Variants in HIVEP3 observed in about 807,000 individuals in gnomAD.
HIVEP3 encodes HIVEP zinc finger 3.
HIVEP3 carries 49 observed loss-of-function variants against 152.8 expected under a neutral mutation model. The ratio of observed to expected loss-of-function variants is 0.32; its 90% CI spans 0.26 to 0.41. The LOEUF (loss-of-function observed/expected upper bound fraction) is 0.41. HIVEP3 is among the 10% of genes least tolerant of loss of function. The pLI is 1.00. For synonymous variants in HIVEP3, 1,269 were observed against 1,289.0 expected, an observed-to-expected ratio of 0.98 and a Z score of 0.33; for missense variants, 2,790 against 3,103.3, an observed-to-expected ratio of 0.90 and a Z score of 2.40.
At chr1:41,554,921 G>A (rs1364846963) in intron 5 of HIVEP3, among the ~76,000 whole-genome samples, 1 of 152,158 alleles carries the variant, frequency 6.6e-6, no homozygotes, top group Non-Finnish European at 1.5e-5. Context: ...CTACTGGGAG[G>A]TGTCTCCCAG....
At chr1:41,964,367 A>C (rs1265020535) in intron 1 of HIVEP3, among the ~76,000 whole-genome samples, 1 of 152,148 alleles carries the variant, frequency 6.6e-6, no homozygotes, top group African/African-American at 2.4e-5. Flanking sequence ...GTGCTACCCC[A>C]CCTGGGAAAC....
chr1:41,960,162 G>A (rs1197601758), intron 1 of HIVEP3, among the ~76,000 whole-genome samples: 1 of 152,190 alleles, frequency 6.6e-6, no homozygotes, highest in Non-Finnish European at 1.5e-5. Flanking sequence ...TAGCCACATT[G>A]GTTAGCCAGA....
chr1:41,805,367 C>G (rs1209394848), intron 1 of HIVEP3, among the ~76,000 whole-genome samples: 1 of 152,212 alleles, frequency 6.6e-6, no homozygotes, highest in East Asian at 1.9e-4. Flanking sequence ...AAATCAACTA[C>G]ATGAAACAAT....
intron 1 of HIVEP3, among the ~76,000 whole-genome samples, chr1:41,820,555 G>A (rs141537177): frequency 2.0e-5 from 3 of 152,284 alleles, no homozygotes; most frequent in African/African-American, 7.2e-5. Flanking sequence ...GTTCTCCAAG[G>A]ATAATGTAGT....
chr1:41,818,307 T>C (rs1369005840), intron 1 of HIVEP3, among the ~76,000 whole-genome samples: 1 of 152,094 alleles, frequency 6.6e-6, no homozygotes, highest in Non-Finnish European at 1.5e-5. Context: ...ATAATGCCTG[T>C]GTTGGTGAGC....
chr1:41,646,698 C>A (rs1428710249), intron 2 of HIVEP3, among the ~76,000 whole-genome samples: 3 of 152,214 alleles, frequency 2.0e-5, no homozygotes, highest in African/African-American at 7.2e-5. Flanking sequence ...ACTCCAAGGA[C>A]CTCTTCCCCA....
chr1:41,518,546 C>G (rs1285281739), intron 6 of HIVEP3, 58 bp from the exon 7 acceptor site: 3 of 1,496,100 alleles, frequency 2.0e-6, no homozygotes, highest in African/African-American at 2.7e-5. Context: ...AGGGCGGACC[C>G]AGGGCTCATG....
rs1312450629 is a variant in HIVEP3, at chr1:41,582,284, G to T, written c.2514C>A (p.Arg838=). Residue 838 remains arginine, a synonymous_variant, in exon 4 of 9, where the codon CGC becomes CGA. Transcript: ENST00000372583. This position sits in a 1 kb window ranked among gnomAD's most constrained non-coding sequence, Gnocchi z 4.7. ...FPSPPPAPHG[R]SAHSLQPKLV... ...ACTTAGGCTGCAGGGAGTGAGCAGA[G>T]CGTCCGTGTGGGGCAGGTGGGGGTG... is the stretch of plus-strand genomic sequence containing the variant. The T allele has an allele frequency of 6.2e-7, 1 of 1,614,044 alleles. No homozygotes were observed. Among genetic ancestry groups the T allele is most frequent in the East Asian group, 2.2e-5 (1 of 44,896 alleles).
intron 1 of HIVEP3, among the ~76,000 whole-genome samples, chr1:41,786,460 C>T (rs1649354335): frequency 6.6e-6 from 1 of 152,196 alleles, no homozygotes; most frequent in Admixed American, 6.5e-5. Flanking sequence ...GGTTGGCTGC[C>T]ATTACTCTAG....
At chr1:41,526,621 T>TCCCCCTCACACA (rs2149054504) in intron 5 of HIVEP3, among the ~76,000 whole-genome samples, 2 of 3,996 alleles carry the variant, frequency 5.0e-4, no homozygotes, top group Admixed American at 3.7e-3. Flanking sequence ...ACCCCCACCT[T>TCCCCCTCACACA]CACCCTCACA....
chr1:41,999,225 C>T (rs1220916236), intron 1 of HIVEP3, among the ~76,000 whole-genome samples: 1 of 152,052 alleles, frequency 6.6e-6, no homozygotes, highest in Non-Finnish European at 1.5e-5. Context: ...AAAAGCAACG[C>T]ATGCCCCGTA....
intron 1 of HIVEP3, among the ~76,000 whole-genome samples, chr1:41,894,731 G>T (rs1644501319): frequency 6.6e-6 from 1 of 152,174 alleles, no homozygotes; most frequent in African/African-American, 2.4e-5. Flanking sequence ...TAAGGTTGCT[G>T]CGAATGACAT....
intron 3 of HIVEP3, among the ~76,000 whole-genome samples, chr1:41,608,808 A>G (rs1028446258): frequency 6.6e-6 from 1 of 152,002 alleles, no homozygotes; most frequent in African/African-American, 2.4e-5. Flanking sequence ...ACGGTGGCTC[A>G]CACCTGTAAT....
Position 41,584,773 on chromosome 1 carries a change from C to T in HIVEP3, c.25G>A (p.Gly9Ser), listed in dbSNP as rs1441367633. 9.9e-6 allele frequency: 15 copies of T among 1,516,102 alleles called. No homozygotes were observed. The highest frequency in any genetic ancestry group is 2.7e-5 in the South Asian group (2 of 74,326). The allele number at this position is 1,516,102 out of a possible 1,614,324, so 93.9% of individuals were successfully genotyped here. ...GGACTTCCCTCAGCCTTCTTGGTGCCCTTGACACTTTGTTCAGGATCCATG... is the reference window on the plus strand; with the variant it reads ...GGACTTCCCTCAGCCTTCTTGGTGCTCTTGACACTTTGTTCAGGATCCATG... MDPEQSVK[G>S]TKKAEGSPRK... is the part of the protein sequence containing the mutation. The change falls in exon 4 of 9, where the codon GGC (glycine) becomes AGC (serine). Residue 9 changes from glycine (G) to serine (S), a missense_variant. Physicochemically the swap from Gly to Ser is moderately conservative, Grantham distance 56 (BLOSUM62 0). This residue lies in a region of HIVEP3 where 209 missense variants were observed against 237.0 expected (regional missense o/e 0.88). Transcript: ENST00000372583. The surrounding 1 kb of genome is among the most constrained non-coding windows in gnomAD (Gnocchi z 5.2).
chr1:41,633,315 T>C (rs1319136125), intron 2 of HIVEP3, among the ~76,000 whole-genome samples: 3 of 151,632 alleles, frequency 2.0e-5, no homozygotes, highest in Middle Eastern at 3.4e-3. Context: ...TGACAGGAAA[T>C]CTAATCAGAG....
chr1:41,682,220 T>G (rs888662414), intron 2 of HIVEP3, among the ~76,000 whole-genome samples: 1 of 152,184 alleles, frequency 6.6e-6, no homozygotes, highest in Non-Finnish European at 1.5e-5. Flanking sequence ...TGAACTATGC[T>G]GCCCTGGGTC....
intron 1 of HIVEP3, among the ~76,000 whole-genome samples, chr1:41,951,713 G>A (rs932544859): frequency 2.6e-5 from 4 of 152,084 alleles, no homozygotes; most frequent in Non-Finnish European, 5.9e-5. Flanking sequence ...GAGCAGCAGG[G>A]GACAGAATGA....
intron 2 of HIVEP3, among the ~76,000 whole-genome samples, chr1:41,667,040 G>T (rs774259577): frequency 6.6e-6 from 1 of 152,154 alleles, no homozygotes; most frequent in Non-Finnish European, 1.5e-5. Flanking sequence ...CACTTCCCTT[G>T]TGAAGGCTTC....
chr1:41,562,633 C>CT (rs1644093965), intron 5 of HIVEP3, among the ~76,000 whole-genome samples: 2 of 71,468 alleles, frequency 2.8e-5, no homozygotes, highest in East Asian at 2.5e-4. Flanking sequence ...CTCTCTCTCT[C>CT]CCTCTCTCTC....
Sources: allele counts gnomAD v4.1 joint callset (sites outside exome capture counted in the v4.1 genomes callset), GRCh38; gene constraint gnomAD v4.1.1; regional missense constraint gnomAD v4.1.1; non-coding constraint Gnocchi (gnomAD v3.1); transcripts MANE v1.5; gene names NCBI Gene and HGNC (gene_info 2026-07-23, HGNC 2026-07-21).